Variants in CNTNAP5 observed in about 807,000 individuals in gnomAD.
CNTNAP5 encodes the protein contactin associated protein family member 5.
A neutral mutation model predicts 150.2 loss-of-function variants in CNTNAP5; 72 were observed. The observed-to-expected ratio is 0.48, with a 90% CI of 0.40 to 0.58. The LOEUF (loss-of-function observed/expected upper bound fraction) is 0.58. CNTNAP5 is among the 20% of genes least tolerant of loss of function. The pLI, the probability that CNTNAP5 is intolerant of heterozygous loss-of-function variation, is 0.00. For missense variants in CNTNAP5, 1,636 were observed against 1,626.2 expected (o/e 1.01, Z -0.10); for synonymous variants, 672 against 619.8 (o/e 1.08, Z -1.25).
At chr2:124,061,617 T>C (rs891110211) in intron 1 of CNTNAP5, among the ~76,000 whole-genome samples, 7 of 152,144 alleles carry the variant, frequency 4.6e-5, no homozygotes, top group African/African-American at 1.7e-4. Flanking sequence ...TTCATGACTG[T>C]AAGAGTTTGT....
At chr2:124,127,824 T>A (rs1037129519) in intron 1 of CNTNAP5, among the ~76,000 whole-genome samples, 3 of 152,174 alleles carry the variant, frequency 2.0e-5, no homozygotes, top group Non-Finnish European at 2.9e-5. Flanking sequence ...ATTCCCTATT[T>A]AATAAATGTT....
chr2:124,890,936 A>G (rs1249834731), intron 21 of CNTNAP5, among the ~76,000 whole-genome samples: 1 of 152,110 alleles, frequency 6.6e-6, no homozygotes, highest in Non-Finnish European at 1.5e-5. Flanking sequence ...CTGTGTATTT[A>G]CCATGTGCCA....
chr2:124,183,604 TC>T (rs1184837784), intron 1 of CNTNAP5, among the ~76,000 whole-genome samples: 1 of 152,226 alleles, frequency 6.6e-6, no homozygotes, highest in African/African-American at 2.4e-5. Flanking sequence ...GTCTGTCCTT[TC>T]TTATTTGGCA....
At chr2:124,584,475 A>G (rs1028802792) in intron 11 of CNTNAP5, among the ~76,000 whole-genome samples, 1 of 152,196 alleles carries the variant, frequency 6.6e-6, no homozygotes, top group African/African-American at 2.4e-5. Flanking sequence ...AGAAGTAAAT[A>G]TCCTCTAAGT....
chr2:124,455,289 A>G (rs1441081900), intron 6 of CNTNAP5, among the ~76,000 whole-genome samples: 1 of 152,154 alleles, frequency 6.6e-6, no homozygotes, highest in Non-Finnish European at 1.5e-5. Flanking sequence ...TACATAAGCT[A>G]AAAAACCTAG....
intron 11 of CNTNAP5, among the ~76,000 whole-genome samples, chr2:124,605,834 GAAGGAAA>G (rs1356894627): frequency 1.9e-4 from 13 of 66,782 alleles, no homozygotes; most frequent in South Asian, 4.6e-4. Context: ...AAAAAAAAAA[GAAGGAAA>G]GAAAGAAAGA....
At chr2:124,885,303 T>C (rs1209467377) in intron 21 of CNTNAP5, among the ~76,000 whole-genome samples, 1 of 152,036 alleles carries the variant, frequency 6.6e-6, no homozygotes, top group Non-Finnish European at 1.5e-5. Flanking sequence ...CAACTGATTG[T>C]GGATGTCATT....
At chr2:124,369,772 G>A (rs537176485) in intron 3 of CNTNAP5, among the ~76,000 whole-genome samples, 1 of 152,078 alleles carries the variant, frequency 6.6e-6, no homozygotes. Context: ...ATCTTCATCG[G>A]ACAAATGCAA....
chr2:124,315,832 C>G (rs1688946381), intron 3 of CNTNAP5, among the ~76,000 whole-genome samples: 1 of 151,880 alleles, frequency 6.6e-6, no homozygotes, highest in Non-Finnish European at 1.5e-5. Context: ...GGTATATAGT[C>G]TCTTTTGGGT....
chr2:124,799,170 A>G (rs750263951), intron 19 of CNTNAP5, among the ~76,000 whole-genome samples: 18 of 152,180 alleles, frequency 1.2e-4, no homozygotes, highest in Non-Finnish European at 2.2e-4. Context: ...TAAATTGCCC[A>G]TTATTAATTT....
chr2:124,474,899 G>C lies in CNTNAP5; in HGVS notation c.1062+17G>C. On this transcript the variant is annotated intron_variant, in intron 7 of 23. Transcript: ENST00000682447. ...TATACTGTGGTAAGTCAGCCCATCTGTTTTGTCTTGATGGTTTCTACCACT... is the reference window on the plus strand; with the variant it reads ...TATACTGTGGTAAGTCAGCCCATCTCTTTTGTCTTGATGGTTTCTACCACT... The C allele has an allele frequency of 1.3e-6, 2 of 1,584,670 alleles. No individual in the cohort carries two copies. Among genetic ancestry groups the C allele is most frequent in the Non-Finnish European group, 1.7e-6 (2 of 1,170,728 alleles).
At chr2:124,064,127 G>A (rs1358476576) in intron 1 of CNTNAP5, among the ~76,000 whole-genome samples, 1 of 152,084 alleles carries the variant, frequency 6.6e-6, no homozygotes, top group Non-Finnish European at 1.5e-5. Context: ...CTAAATTAGC[G>A]ACTTCGAAGG....
intron 4 of CNTNAP5, among the ~76,000 whole-genome samples, chr2:124,429,161 A>C (rs1692310395): frequency 6.6e-6 from 1 of 152,208 alleles, no homozygotes; most frequent in African/African-American, 2.4e-5. Flanking sequence ...ACCTATAACC[A>C]TGTGGGTCTT....
chr2:124,837,058 G>A (rs1360737367), intron 19 of CNTNAP5, among the ~76,000 whole-genome samples: 1 of 151,942 alleles, frequency 6.6e-6, no homozygotes, highest in Admixed American at 6.6e-5. Context: ...ACTATTCACA[G>A]GCCTGATTTT....
rs1680022248 is a variant in CNTNAP5, at chr2:124,720,232, G to T, written c.2078-26997G>T. ...TCCTTCATCTATAAGAAAGGGTTTT[G>T]TATAGCCTGTATTTTTGCTGTTGAC... On this transcript the variant is annotated intron_variant, in intron 13 of 23. Transcript: ENST00000682447. Among the ~76,000 whole-genome samples the T allele has an allele frequency of 1.3e-5, 2 of 152,092 alleles. 1 individual carries two copies. Among genetic ancestry groups the T allele is most frequent in the South Asian group, 4.2e-4 (2 of 4,814 alleles).
rs766956033 is a variant in CNTNAP5 at position 124,524,387 on chromosome 2, C to T, written c.1412C>T (p.Ala471Val). 9 of 1,613,830 alleles carry T rather than the reference C, an allele frequency of 5.6e-6. No homozygotes were observed. The East Asian group carries it at 1.8e-4, about 32-fold the overall frequency. ...ATCACGCTCACTCTGGATGATGAAG[C>T]AGCACCCCCGGCTCCAGACAGCACT... is the stretch of plus-strand genomic sequence containing the variant. ...NRITLTLDDE[A>V]APPAPDSTWV... is the part of the protein sequence containing the mutation. The change falls in exon 9 of 24, where the codon GCA (alanine) becomes GTA (valine). Residue 471 changes from alanine to valine, a missense_variant. Coordinates refer to ENST00000682447, the MANE Select transcript of CNTNAP5 (RefSeq NM_001367498.1).
intron 1 of CNTNAP5, among the ~76,000 whole-genome samples, chr2:124,124,651 G>C (rs1683643552): frequency 1.3e-5 from 2 of 152,076 alleles, no homozygotes; most frequent in Admixed American, 1.3e-4. Context: ...AAATCTTAAG[G>C]GCAGCCAGAG....
chr2:124,578,062 C>T (rs1163098354), intron 11 of CNTNAP5, among the ~76,000 whole-genome samples: 2 of 150,324 alleles, frequency 1.3e-5, no homozygotes, highest in East Asian at 2.0e-4. Context: ...GTAATCCCAG[C>T]ACTTTGGGAG....
At chr2:124,455,056 TAAATG>T (rs1407573569) in intron 6 of CNTNAP5, among the ~76,000 whole-genome samples, 1 of 151,440 alleles carries the variant, frequency 6.6e-6, no homozygotes, top group Non-Finnish European at 1.5e-5. Context: ...AGAGCAGAAA[TAAATG>T]AAATTGAAAC....
Sources: allele counts gnomAD v4.1 joint callset (sites outside exome capture counted in the v4.1 genomes callset), GRCh38; gene constraint gnomAD v4.1.1; transcripts MANE v1.5; gene names NCBI Gene and HGNC (gene_info 2026-07-23, HGNC 2026-07-21).